NRCAM: variants seen among roughly 807,000 people sequenced by gnomAD.
NRCAM encodes NgCAM-related cell adhesion molecule.
NRCAM carries 83 observed loss-of-function variants against 156.5 expected under a neutral mutation model. The ratio of observed to expected loss-of-function variants is 0.53; its 90% confidence interval spans 0.44 to 0.64. NRCAM has a LOEUF of 0.64. Among genes scored for constraint, NRCAM ranks in the 30% least tolerant of loss-of-function variants. NRCAM has a pLI of 0.00. For missense variants in NRCAM, 1,417 were observed against 1,597.3 expected (o/e 0.89, Z 1.92); for synonymous variants, 538 against 563.9 (o/e 0.95, Z 0.65).
At chr7:108,317,942 GAAAGGA>G (rs1233559537) in intron 2 of NRCAM, among the ~76,000 whole-genome samples, 4 of 148,352 alleles carry the variant, frequency 2.7e-5, no homozygotes, top group Non-Finnish European at 6.0e-5. Flanking sequence ...GAAAGGAAAG[GAAAGGA>G]AAAGGAAAAG....
intron 2 of NRCAM, among the ~76,000 whole-genome samples, chr7:108,359,720 A>C (rs2099535520): frequency 6.6e-6 from 1 of 152,144 alleles, no homozygotes; most frequent in South Asian, 2.1e-4. Context: ...AAAAAAATGG[A>C]GGTATAATTC....
intron 2 of NRCAM, among the ~76,000 whole-genome samples, chr7:108,367,321 A>G (rs2099597925): frequency 6.6e-6 from 1 of 152,196 alleles, no homozygotes; most frequent in Admixed American, 6.6e-5. Flanking sequence ...TGAAATATAT[A>G]TATAGTATTT....
At chr7:108,372,722 G>C (rs527350623) in intron 2 of NRCAM, among the ~76,000 whole-genome samples, 1 of 152,246 alleles carries the variant, frequency 6.6e-6, no homozygotes, top group South Asian at 2.1e-4. Context: ...CATGGACGTG[G>C]AGAAACTGGA....
rs1272811474 is a variant in NRCAM, at chr7:108,240,128, T to C, written c.-64A>G. On this transcript the variant is annotated 5_prime_UTR_variant, in exon 4 of 33. Coordinates refer to ENST00000379028, the MANE Select transcript of NRCAM (RefSeq NM_001037132.4). ...TTTTCTTCTTTCACAAAAGATTTTGTGAAACGTTGTGTGCAACGTTTAAGT... is the reference window on the plus strand; with the variant it reads ...TTTTCTTCTTTCACAAAAGATTTTGCGAAACGTTGTGTGCAACGTTTAAGT... The C allele has an allele frequency of 2.6e-6, 3 of 1,144,828 alleles. No individual in the cohort carries two copies. Among genetic ancestry groups the C allele is most frequent in the Admixed American group, 1.8e-5 (1 of 55,452 alleles). The allele number at this position is 1,144,828 out of a possible 1,614,324, so 70.9% of individuals were successfully genotyped here. A position where few individuals can be genotyped will look rare whatever the true frequency, so the allele number is the denominator to read the frequency against.
At chr7:108,389,881 G>A (rs1324083499) in intron 2 of NRCAM, among the ~76,000 whole-genome samples, 1 of 152,046 alleles carries the variant, frequency 6.6e-6, no homozygotes, top group Non-Finnish European at 1.5e-5. Flanking sequence ...TATGTTGAAT[G>A]AGCCTTGCAT....
chr7:108,245,481 G>T (rs1250519701), intron 3 of NRCAM, among the ~76,000 whole-genome samples: 2 of 152,058 alleles, frequency 1.3e-5, no homozygotes, highest in African/African-American at 4.8e-5. Flanking sequence ...GCCTTCTAAA[G>T]GAAGAACAAT....
At chr7:108,351,109 G>A (rs2099409316) in intron 2 of NRCAM, among the ~76,000 whole-genome samples, 1 of 152,166 alleles carries the variant, frequency 6.6e-6, no homozygotes, top group Non-Finnish European at 1.5e-5. Context: ...GCTGACAAGT[G>A]GGACCTTAAA....
chr7:108,244,702 A>G (rs572931123), intron 3 of NRCAM, among the ~76,000 whole-genome samples: 10 of 152,224 alleles, frequency 6.6e-5, no homozygotes, highest in Non-Finnish European at 1.3e-4. Context: ...AGAAGCTTTA[A>G]GGACCACGTT....
chr7:108,321,652 G>A (rs2099002612), intron 2 of NRCAM, among the ~76,000 whole-genome samples: 1 of 152,160 alleles, frequency 6.6e-6, no homozygotes, highest in Admixed American at 6.5e-5. Context: ...AGACCTACTT[G>A]CAAAGAGGCC....
At chr7:108,335,711 C>T (rs1208033088) in intron 2 of NRCAM, among the ~76,000 whole-genome samples, 1 of 152,058 alleles carries the variant, frequency 6.6e-6, no homozygotes, top group African/African-American at 2.4e-5. Context: ...CCAGCTGAAC[C>T]ACAGAAATCT....
At chr7:108,341,298 A>T (rs1159556825) in intron 2 of NRCAM, among the ~76,000 whole-genome samples, 2 of 152,160 alleles carry the variant, frequency 1.3e-5, no homozygotes, top group Non-Finnish European at 2.9e-5. Context: ...ATGCTTGACC[A>T]TTGAGGGCCA....
At chr7:108,423,985 T>C (rs1813692084) in intron 1 of NRCAM, among the ~76,000 whole-genome samples, 2 of 152,360 alleles carry the variant, frequency 1.3e-5, no homozygotes, top group African/African-American at 4.8e-5. Context: ...TGTCATCCCC[T>C]CTTCTCCATG....
At chr7:108,447,372 T>C (rs958046438) in intron 1 of NRCAM, among the ~76,000 whole-genome samples, 11 of 151,300 alleles carry the variant, frequency 7.3e-5, no homozygotes, top group African/African-American at 9.7e-5. Flanking sequence ...TTCCAGTGAT[T>C]CTCCTGCCTC....
At chr7:108,182,649 G>T (rs2064174007) in intron 23 of NRCAM, 46 bp downstream of exon 23, 1 of 1,565,870 alleles carries the variant, frequency 6.4e-7, no homozygotes, top group Non-Finnish European at 8.8e-7. Context: ...CTTGCACCTT[G>T]GTAAGTCTGT....
rs112412914 is a variant in NRCAM at position 108,381,840 on chromosome 7, C to T, written c.-174+17596G>A. ...CCTCCAATAGTGCTGGGATTACAGC[C>T]GTGAGTCACTGCGCCTGGCCTGCCT... On this transcript the variant is annotated intron_variant, in intron 2 of 32. Transcript: ENST00000379028. Among the ~76,000 whole-genome samples, 1,221 of 152,178 alleles carry T rather than the reference C, an allele frequency of 8.0e-3. 19 individuals carry two copies. Among genetic ancestry groups the T allele is most frequent in the African/African-American group, 0.028 (1,178 of 41,504 alleles).
rs548698679 is a variant in NRCAM, at chr7:108,410,217, G to A, written c.-331-10624C>T. Among the ~76,000 whole-genome samples, 6 of 152,272 alleles carry A rather than the reference G, an allele frequency of 3.9e-5. No homozygotes were observed. The South Asian group carries it at 1.0e-3, about 26-fold the overall frequency. ...GAAAAATATAAGCCCATATTAAATA[G>A]CCCTTGATTAAATTTGGGTGTTTCC... is the stretch of plus-strand genomic sequence containing the variant. On this transcript the variant is annotated intron_variant, in intron 1 of 32. Transcript: ENST00000379028.
rs185689028 is a variant in NRCAM, at chr7:108,305,358, T to C, written c.-107+7307A>G. On this transcript the variant is annotated intron_variant, in intron 3 of 32. Coordinates refer to ENST00000379028, the MANE Select transcript of NRCAM (RefSeq NM_001037132.4). ...AGATATATTTTCCAGGTCATTTGAA[T>C]CATTTAAATATGGTACTTTTGTCTA... Among the ~76,000 whole-genome samples the C allele has an allele frequency of 6.0e-4, 91 of 152,340 alleles. 1 individual carries two copies. Among genetic ancestry groups the C allele is most frequent in the African/African-American group, 2.1e-3 (89 of 41,566 alleles).
intron 2 of NRCAM, among the ~76,000 whole-genome samples, chr7:108,349,943 G>T (rs996043180): frequency 1.3e-5 from 2 of 152,170 alleles, no homozygotes; most frequent in Admixed American, 1.3e-4. Context: ...ACATGACTGG[G>T]TTCTTTTCTA....
intron 2 of NRCAM, among the ~76,000 whole-genome samples, chr7:108,329,654 C>G (rs1316979986): frequency 6.6e-6 from 1 of 152,168 alleles, no homozygotes; most frequent in Non-Finnish European, 1.5e-5. Flanking sequence ...TTCAGCAATT[C>G]TTAAAGACCT....
Sources: allele counts gnomAD v4.1 joint callset (sites outside exome capture counted in the v4.1 genomes callset), GRCh38; gene constraint gnomAD v4.1.1; transcripts MANE v1.5; gene names NCBI Gene and HGNC (gene_info 2026-07-23, HGNC 2026-07-21).